The following TENM3 variants were observed in gnomAD, a reference collection of about 807,000 sequenced individuals.
TENM3 encodes the protein teneurin transmembrane protein 3.
In TENM3, 63 loss-of-function variants were observed where a neutral mutation model predicts 255.1. The ratio of observed to expected loss-of-function variants is 0.25; its 90% confidence interval spans 0.20 to 0.30. TENM3 has a LOEUF of 0.30. TENM3 is among the 10% of genes least tolerant of loss of function. TENM3 has a pLI of 1.00. For synonymous variants in TENM3, 1,306 were observed against 1,322.3 expected, an observed-to-expected ratio of 0.99 and a Z score of 0.27; for missense variants, 2,929 against 3,461.1, an observed-to-expected ratio of 0.85 and a Z score of 3.86.
chr4:182,508,562 A>C (rs1369584926), intron 3 of TENM3, among the ~76,000 whole-genome samples: 1 of 152,240 alleles, frequency 6.6e-6, no homozygotes, highest in African/African-American at 2.4e-5. Context: ...CTTAGATATC[A>C]CATAGGTGAG....
chr4:181,829,607 T>C, the TENM3 span, among the ~76,000 whole-genome samples: 2 of 152,182 alleles, frequency 1.3e-5, no homozygotes, highest in Non-Finnish European at 2.9e-5. Flanking sequence ...ACTCAACAAA[T>C]GATTCTTGCC....
intron 3 of TENM3, among the ~76,000 whole-genome samples, chr4:182,397,771 A>G (rs78949884): frequency 1.3e-5 from 2 of 152,056 alleles, no homozygotes; most frequent in Non-Finnish European, 2.9e-5. Context: ...CCTTCCCCCA[A>G]GTTTCTGATT....
intron 11 of TENM3, 35 bp downstream of exon 11, chr4:182,682,049 T>A (rs1273253351): frequency 6.4e-7 from 1 of 1,551,484 alleles, no homozygotes; most frequent in Admixed American, 1.7e-5. Context: ...TCGAGTTGCT[T>A]AATACTGTTT....
the TENM3 span, among the ~76,000 whole-genome samples, chr4:181,947,735 A>C: frequency 1.3e-5 from 2 of 152,208 alleles, no homozygotes; most frequent in Non-Finnish European, 2.9e-5. Flanking sequence ...AAGAAAAAAA[A>C]AATGCCCTTT....
At chr4:182,642,257 T>C (rs540934627) in intron 5 of TENM3, among the ~76,000 whole-genome samples, 6 of 152,304 alleles carry the variant, frequency 3.9e-5, no homozygotes, top group Middle Eastern at 3.4e-3. Context: ...AGAAAACTAA[T>C]GAAACATCAG....
rs1267561360 is a variant in TENM3, at chr4:182,420,353, TATG to T, written c.511+73426_511+73428del. 5.3e-4 allele frequency among the ~76,000 whole-genome samples: 80 copies of T among 152,326 alleles called. 1 individual carries two copies. Among genetic ancestry groups the T allele is most frequent in the African/African-American group, 1.7e-3 (71 of 41,580 alleles). ...TCAGCTACTGTCACTCTGATTACTG[TATG>T]AGCGACTCCAGTCATCCATAGACAA... On this transcript the variant is annotated intron_variant, in intron 3 of 27. Coordinates refer to ENST00000511685, the MANE Select transcript of TENM3 (RefSeq NM_001080477.4).
intron 1 of TENM3, among the ~76,000 whole-genome samples, chr4:182,245,408 T>C (rs1702954650): frequency 6.6e-6 from 1 of 152,246 alleles, no homozygotes; most frequent in Non-Finnish European, 1.5e-5. Context: ...CACACATTGC[T>C]TCTCAGGTGG....
chr4:182,567,318 C>T (rs1743890716), intron 3 of TENM3, among the ~76,000 whole-genome samples: 3 of 152,148 alleles, frequency 2.0e-5, no homozygotes, highest in Admixed American at 1.3e-4. Flanking sequence ...GCAGAGGCTT[C>T]CTGTCGGGTC....
At chr4:182,331,079 G>A (rs1763721398) in intron 2 of TENM3, among the ~76,000 whole-genome samples, 1 of 152,096 alleles carries the variant, frequency 6.6e-6, no homozygotes, top group African/African-American at 2.4e-5. Flanking sequence ...ACAATGAAAA[G>A]AGGACAATAG....
intron 12 of TENM3, among the ~76,000 whole-genome samples, chr4:182,708,692 G>T (rs968310154): frequency 1.6e-4 from 24 of 152,066 alleles, no homozygotes; most frequent in Non-Finnish European, 3.1e-4. Context: ...CAGCTACTCA[G>T]GAGGCTGAGG....
At chr4:181,527,312 A>G in the TENM3 span, among the ~76,000 whole-genome samples, 332 of 152,266 alleles carry the variant, frequency 2.2e-3, no homozygotes, top group African/African-American at 7.3e-3. Context: ...AGACATAATG[A>G]GCTAAAAAGT....
chr4:181,964,338 C>T, the TENM3 span, among the ~76,000 whole-genome samples: 5 of 152,108 alleles, frequency 3.3e-5, no homozygotes, highest in African/African-American at 1.2e-4. Context: ...GCTTTTAGAA[C>T]TTCAATCTCC....
chr4:182,447,960 A>AT (rs1303482886), intron 3 of TENM3, among the ~76,000 whole-genome samples: 1 of 152,208 alleles, frequency 6.6e-6, no homozygotes, highest in Non-Finnish European at 1.5e-5. Flanking sequence ...AAAAAACACA[A>AT]TTTTTTATAA....
intron 1 of TENM3, among the ~76,000 whole-genome samples, chr4:182,220,219 A>G (rs1161760771): frequency 6.6e-6 from 1 of 151,954 alleles, no homozygotes; most frequent in African/African-American, 2.4e-5. Flanking sequence ...TCTACTAAAA[A>G]TACAAAAATT....
At chr4:181,973,868 TC>T in the TENM3 span, among the ~76,000 whole-genome samples, 1 of 152,132 alleles carries the variant, frequency 6.6e-6, no homozygotes, top group Non-Finnish European at 1.5e-5. Context: ...AGTAGAGTTA[TC>T]CCAGGAGATA....
the TENM3 span, among the ~76,000 whole-genome samples, chr4:181,527,353 T>C: frequency 6.6e-6 from 1 of 152,072 alleles, no homozygotes; most frequent in Admixed American, 6.6e-5. Context: ...TTTTGGGTGT[T>C]TTTATTTGTT....
intron 1 of TENM3, among the ~76,000 whole-genome samples, chr4:182,212,998 G>T (rs1424792925): frequency 6.6e-6 from 1 of 152,084 alleles, no homozygotes; most frequent in Non-Finnish European, 1.5e-5. Context: ...TTGTATTTTT[G>T]CTTGATGTTC....
chr4:182,106,618 C>G, the TENM3 span, among the ~76,000 whole-genome samples: 1 of 152,136 alleles, frequency 6.6e-6, no homozygotes, highest in Admixed American at 6.5e-5. Flanking sequence ...TTTATTTCTT[C>G]AGTAGGGTGT....
upstream of TENM3, among the ~76,000 whole-genome samples, chr4:182,139,116 A>C (rs183009821): frequency 7.2e-5 from 11 of 152,292 alleles, 1 homozygote; most frequent in South Asian, 4.2e-4. Context: ...CCAAAGAGGC[A>C]TAAGGTTGAG....
Sources: allele counts gnomAD v4.1 joint callset (sites outside exome capture counted in the v4.1 genomes callset), GRCh38; gene constraint gnomAD v4.1.1; transcripts MANE v1.5; gene names NCBI Gene and HGNC (gene_info 2026-07-23, HGNC 2026-07-21).